The following SFXN5 variants were observed in gnomAD, a reference collection of about 807,000 sequenced individuals.
SFXN5 encodes sideroflexin-5.
A neutral mutation model predicts 50.2 loss-of-function variants in SFXN5; 43 were observed. The observed-to-expected ratio is 0.86, with a 90% CI of 0.67 to 1.11. The LOEUF (loss-of-function observed/expected upper bound fraction) is 1.11. SFXN5 is among the 50% of genes least tolerant of loss of function. The pLI, the probability that SFXN5 is intolerant of heterozygous loss-of-function variation, is 0.00. For missense variants in SFXN5, 463 were observed against 454.1 expected, an observed-to-expected ratio of 1.02 and a Z score of -0.18; for synonymous variants, 203 against 185.8, an observed-to-expected ratio of 1.09 and a Z score of -0.75.
At chr2:72,970,804 A>G (rs1045899200) in intron 11 of SFXN5, among the ~76,000 whole-genome samples, 1 of 151,684 alleles carries the variant, frequency 6.6e-6, no homozygotes, top group Non-Finnish European at 1.5e-5. Context: ...TCTCCTGCCT[A>G]TGCCTCCTGA....
At position 73,008,711 on chromosome 2, in the gene SFXN5, G is replaced by A. The variant is rs182027212; in HGVS notation, c.358-7133C>T. Among the ~76,000 whole-genome samples, 28 of 152,288 alleles carry A rather than the reference G, an allele frequency of 1.8e-4. No homozygotes were observed. In the East Asian group the frequency reaches 3.5e-3, roughly 19 times the overall value. ...ACCTGAAGAAAGGGAGTGACGAACCGCAGAGCCTCAGGGACAGCCTCAGTG... is the reference window on the plus strand; with the variant it reads ...ACCTGAAGAAAGGGAGTGACGAACCACAGAGCCTCAGGGACAGCCTCAGTG... On this transcript the variant is annotated intron_variant, in intron 6 of 13. Transcript: ENST00000272433.
chr2:73,020,336 G>T lies in SFXN5; in HGVS notation c.332-72C>A, dbSNP rs948233601. ...TCACCTGAGATACCCAGGAGCCTCC[G>T]GGTTAGGTCTTAGGCTATCAGTGGC... On this transcript the variant is annotated intron_variant, in intron 5 of 13. Coordinates refer to ENST00000272433, the MANE Select transcript of SFXN5 (RefSeq NM_144579.3). The T allele has an allele frequency of 3.3e-6, 5 of 1,533,832 alleles. No individual in the cohort carries two copies. The African/African-American group carries it at 6.9e-5, about 21-fold the overall frequency.
At chr2:73,010,143 C>T (rs1226222994) in intron 6 of SFXN5, among the ~76,000 whole-genome samples, 1 of 152,212 alleles carries the variant, frequency 6.6e-6, no homozygotes, top group Non-Finnish European at 1.5e-5. Context: ...TATCACCATT[C>T]TTCCCTTCTT....
At chr2:73,027,556 T>G (rs893913089) in intron 3 of SFXN5, among the ~76,000 whole-genome samples, 1 of 152,244 alleles carries the variant, frequency 6.6e-6, no homozygotes, top group African/African-American at 2.4e-5. Flanking sequence ...AGTCATGTCC[T>G]GGGCCTTCAC....
At chr2:73,065,130 C>T (rs1174214375) in intron 1 of SFXN5, among the ~76,000 whole-genome samples, 2 of 152,002 alleles carry the variant, frequency 1.3e-5, no homozygotes, top group Non-Finnish European at 2.9e-5. Context: ...GAGACAGGGT[C>T]TCACTCTGTT....
At chr2:72,959,494 C>T (rs1281903903) in intron 13 of SFXN5, among the ~76,000 whole-genome samples, 2 of 152,146 alleles carry the variant, frequency 1.3e-5, no homozygotes, top group Non-Finnish European at 2.9e-5. Context: ...TCTGTGTCCT[C>T]AGACCTCTGA....
intron 10 of SFXN5, among the ~76,000 whole-genome samples, chr2:72,978,682 G>A (rs1670933398): frequency 6.6e-6 from 1 of 152,110 alleles, no homozygotes; most frequent in South Asian, 2.1e-4. Context: ...ATGCCCGTAT[G>A]CCCACCTGGC....
intron 13 of SFXN5, among the ~76,000 whole-genome samples, chr2:72,951,630 T>C (rs1176127785): frequency 1.3e-5 from 2 of 151,816 alleles, no homozygotes; most frequent in Middle Eastern, 3.2e-3. Context: ...CTGTGCCCCA[T>C]TCTTGGGGGC....
chr2:72,959,081 A>G (rs746083255), intron 13 of SFXN5, among the ~76,000 whole-genome samples: 6 of 152,028 alleles, frequency 3.9e-5, no homozygotes, highest in Non-Finnish European at 8.8e-5. Flanking sequence ...ACTTGTCTCC[A>G]GGAGCCCTCA....
Position 72,950,617 on chromosome 2 carries a change from A to C in SFXN5, c.946-5518T>G, listed in dbSNP as rs940751535. Reference sequence around the variant, plus strand: ...CTCCCCTGTCCACCAAAAACTAAGCATCTCCCTTGAAGACCACCTCTCTGA... The same window carrying C: ...CTCCCCTGTCCACCAAAAACTAAGCCTCTCCCTTGAAGACCACCTCTCTGA... On this transcript the variant is annotated intron_variant, in intron 13 of 13. Coordinates refer to ENST00000272433, the MANE Select transcript of SFXN5 (RefSeq NM_144579.3). The surrounding 1 kb of genome is among the most constrained non-coding windows in gnomAD (Gnocchi z 4.2). 5.3e-5 allele frequency among the ~76,000 whole-genome samples: 8 copies of C among 152,230 alleles called. No homozygotes were observed. Among genetic ancestry groups the C allele is most frequent in the Non-Finnish European group, 1.2e-4 (8 of 68,042 alleles).
Position 73,047,234 on chromosome 2 carries a change from AAAAAAAAAAAAATATAT to A in SFXN5, c.172-6320_172-6304del, listed in dbSNP as rs1243156353. Among the ~76,000 whole-genome samples, 78 of 66,694 alleles carry A rather than the reference AAAAAAAAAAAAATATAT, an allele frequency of 1.2e-3. 1 individual carries two copies. Among genetic ancestry groups the A allele is most frequent in the Middle Eastern group, 5.6e-3 (1 of 180 alleles). 43.8% of individuals were successfully genotyped at this position (66,694 alleles called of 152,430 possible). Reference sequence around the variant, plus strand: ...CTCCATCTCGTAAAAAAAAAAAAAAAAAAAAAAAAAAATATATATATATATATATATATATATATATA... The same window carrying A: ...CTCCATCTCGTAAAAAAAAAAAAAAAATATATATATATATATATATATATA... On this transcript the variant is annotated intron_variant, in intron 2 of 13. Coordinates refer to ENST00000272433, the MANE Select transcript of SFXN5 (RefSeq NM_144579.3).
intron 6 of SFXN5, among the ~76,000 whole-genome samples, chr2:73,011,967 G>A (rs1025765979): frequency 2.6e-5 from 4 of 152,092 alleles, no homozygotes; most frequent in East Asian, 1.9e-4. Flanking sequence ...GCAAATAATC[G>A]GACATAACCT....
chr2:73,042,027 T>TCA (rs1196796298), intron 2 of SFXN5, among the ~76,000 whole-genome samples: 1 of 152,160 alleles, frequency 6.6e-6, no homozygotes, highest in African/African-American at 2.4e-5. Context: ...GTAGCACTTA[T>TCA]ATATTTTCAA....
At chr2:73,001,892 T>C (rs748545211) in intron 6 of SFXN5, among the ~76,000 whole-genome samples, 4 of 152,256 alleles carry the variant, frequency 2.6e-5, no homozygotes, top group East Asian at 1.9e-4. Flanking sequence ...TCTCTGGAGG[T>C]TGGGTTGCAG....
rs1677333129 is a variant in SFXN5, at chr2:73,024,678, A to G, written c.250-1464T>C. Among the ~76,000 whole-genome samples, 4 of 152,320 alleles carry G rather than the reference A, an allele frequency of 2.6e-5. No individual in the cohort carries two copies. In the South Asian group the frequency reaches 6.2e-4, roughly 24 times the overall value. Reference sequence around the variant, plus strand: ...CCAAAAAAGAAAAAAAAAGGACACCATGGGCAAACCAAAGGCCAGTATATT... The same window carrying G: ...CCAAAAAAGAAAAAAAAAGGACACCGTGGGCAAACCAAAGGCCAGTATATT... On this transcript the variant is annotated intron_variant, in intron 3 of 13. Coordinates refer to ENST00000272433, the MANE Select transcript of SFXN5 (RefSeq NM_144579.3).
intron 9 of SFXN5, chr2:72,996,507 G>GTTT (rs11447075): frequency 3.3e-4 from 42 of 125,376 alleles, no homozygotes; most frequent in Admixed American, 8.6e-4. Flanking sequence ...GCTGAGTTTT[G>GTTT]TTTTTTTTTT....
chr2:73,065,092 T>G (rs1173123094), intron 1 of SFXN5, among the ~76,000 whole-genome samples: 2 of 150,396 alleles, frequency 1.3e-5, no homozygotes, highest in Non-Finnish European at 3.0e-5. Flanking sequence ...TCGCCAGAAG[T>G]TGTTAAAAAA....
intron 6 of SFXN5, among the ~76,000 whole-genome samples, chr2:73,006,532 G>C (rs929716022): frequency 2.0e-5 from 3 of 151,618 alleles, no homozygotes; most frequent in African/African-American, 4.9e-5. Flanking sequence ...TGAGGCACAC[G>C]AACTGCTTAA....
intron 6 of SFXN5, among the ~76,000 whole-genome samples, chr2:73,018,305 A>T (rs1277548854): frequency 6.6e-6 from 1 of 152,074 alleles, no homozygotes; most frequent in Non-Finnish European, 1.5e-5. Flanking sequence ...GAAAAGATGA[A>T]CCTAGAATAT....
Sources: gnomAD v4.1 joint callset for allele counts (sites outside exome capture counted in the v4.1 genomes callset) on GRCh38, gnomAD v4.1.1 for gene constraint, Gnocchi (gnomAD v3.1) non-coding constraint, MANE v1.5 for transcripts, NCBI Gene and HGNC (gene_info 2026-07-23, HGNC 2026-07-21) for gene names.